Variants in GRIP1 observed in about 807,000 individuals in gnomAD.
The protein encoded by GRIP1 is glutamate receptor interacting protein 1.
GRIP1 carries 45 observed loss-of-function variants against 129.9 expected under a neutral mutation model. The observed-to-expected ratio is 0.35, with a 90% CI of 0.27 to 0.44. The LOEUF is 0.44. Ranked by LOEUF, GRIP1 falls within the 20% of genes least tolerant of loss-of-function variation. GRIP1 has a pLI of 1.00. For missense variants in GRIP1, 1,196 were observed against 1,396.8 expected (o/e 0.86, Z 2.29); for synonymous variants, 530 against 520.8 (o/e 1.02, Z -0.24).
At chr12:66,793,931 T>C (rs984986296) in intron 1 of GRIP1, among the ~76,000 whole-genome samples, 1 of 152,180 alleles carries the variant, frequency 6.6e-6, no homozygotes, top group African/African-American at 2.4e-5. Context: ...AATGAGCTAA[T>C]GCACATAAAT....
At chr12:66,497,141 C>T (rs2060259531) in intron 7 of GRIP1, among the ~76,000 whole-genome samples, 1 of 152,138 alleles carries the variant, frequency 6.6e-6, no homozygotes, top group African/African-American at 2.4e-5. Context: ...AAAATGCATA[C>T]ATAATGTCCC....
chr12:66,595,244 G>A (rs1029195562), intron 2 of GRIP1, among the ~76,000 whole-genome samples: 5 of 152,124 alleles, frequency 3.3e-5, no homozygotes, highest in Non-Finnish European at 5.9e-5. Flanking sequence ...CAAAATTCAT[G>A]ATGAAAAATA....
chr12:67,011,791 G>T (rs780730459), intron 1 of GRIP1, among the ~76,000 whole-genome samples: 4 of 152,064 alleles, frequency 2.6e-5, no homozygotes, highest in African/African-American at 7.2e-5. Flanking sequence ...TTATCCACCA[G>T]GCAAGGGGTC....
At chr12:66,853,266 A>G (rs2137085942) in intron 1 of GRIP1, among the ~76,000 whole-genome samples, 1 of 151,768 alleles carries the variant, frequency 6.6e-6, no homozygotes, top group South Asian at 2.1e-4. Context: ...ATACTCCCAA[A>G]TCTTTCTCAT....
chr12:66,627,499 G>GC (rs2030223469), intron 1 of GRIP1, among the ~76,000 whole-genome samples: 1 of 152,236 alleles, frequency 6.6e-6, no homozygotes, highest in Non-Finnish European at 1.5e-5. Context: ...TCACAGTGTA[G>GC]TTGGGGAGGG....
chr12:66,624,010 A>C (rs1465461767), intron 1 of GRIP1, among the ~76,000 whole-genome samples: 1 of 152,146 alleles, frequency 6.6e-6, no homozygotes, highest in African/African-American at 2.4e-5. Flanking sequence ...CTTTATAATT[A>C]ATTCATTCAT....
At chr12:66,813,453 G>A (rs1406856584) in intron 1 of GRIP1, among the ~76,000 whole-genome samples, 1 of 152,106 alleles carries the variant, frequency 6.6e-6, no homozygotes, top group Non-Finnish European at 1.5e-5. Flanking sequence ...CATATCAGAG[G>A]AAACAGATAA....
chr12:66,518,012 T>C, intron 5 of GRIP1, 36 bp from the exon 6 acceptor site: 3 of 1,127,390 alleles, frequency 2.7e-6, no homozygotes, highest in Admixed American at 3.4e-5. Context: ...AAAACTGCTT[T>C]CATTGTTGGC....
intron 1 of GRIP1, among the ~76,000 whole-genome samples, chr12:66,631,870 A>G (rs1415005981): frequency 2.6e-5 from 4 of 152,242 alleles, no homozygotes; most frequent in African/African-American, 4.8e-5. Flanking sequence ...GACTGGCTGC[A>G]TATTTTATAT....
At position 66,523,378 on chromosome 12, in the gene GRIP1, C is replaced by T. The variant is rs1231226854; in HGVS notation, c.503-5402G>A. On this transcript the variant is annotated intron_variant, in intron 5 of 24. Coordinates refer to ENST00000359742, the MANE Select transcript of GRIP1 (RefSeq NM_001366722.1). The stretch of plus-strand genomic sequence containing the variant: ...GAAGAGAGTGGGGGCCAATATTCAA[C>T]ATTCTTAAAGAAAATAATTTTCAAC... Among the ~76,000 whole-genome samples, 5 of 141,080 alleles carry T rather than the reference C, an allele frequency of 3.5e-5. No individual in the cohort carries two copies. The East Asian group carries it at 1.0e-3, about 29-fold the overall frequency. The allele number at this position is 141,080 out of a possible 152,430, so 92.6% of individuals were successfully genotyped here.
chr12:66,999,731 A>C (rs980832486), intron 1 of GRIP1, among the ~76,000 whole-genome samples: 1 of 152,230 alleles, frequency 6.6e-6, no homozygotes, highest in Non-Finnish European at 1.5e-5. Context: ...GAGGATTCAG[A>C]GTAAAGACAC....
At chr12:66,642,232 C>T (rs1247992534) in intron 1 of GRIP1, among the ~76,000 whole-genome samples, 1 of 151,934 alleles carries the variant, frequency 6.6e-6, no homozygotes, top group Non-Finnish European at 1.5e-5. Flanking sequence ...TAAATCAAGG[C>T]TGGAAAGAAA....
intron 1 of GRIP1, among the ~76,000 whole-genome samples, chr12:66,835,507 C>T (rs2039597445): frequency 6.6e-6 from 1 of 152,098 alleles, no homozygotes; most frequent in African/African-American, 2.4e-5. Flanking sequence ...AACCAAGATG[C>T]CCCTCAGAAG....
intron 1 of GRIP1, among the ~76,000 whole-genome samples, chr12:66,643,794 G>A (rs1048611712): frequency 6.6e-6 from 1 of 152,044 alleles, no homozygotes; most frequent in African/African-American, 2.4e-5. Context: ...GAACTCCTGG[G>A]CTCAAGCAGT....
At chr12:66,390,621 C>T (rs1250066813) in intron 19 of GRIP1, among the ~76,000 whole-genome samples, 1 of 152,184 alleles carries the variant, frequency 6.6e-6, no homozygotes, top group East Asian at 1.9e-4. Context: ...TCTTACAGAT[C>T]ACCTTACAGG....
intron 1 of GRIP1, among the ~76,000 whole-genome samples, chr12:66,716,112 A>AC (rs1433969958): frequency 6.6e-6 from 1 of 151,854 alleles, no homozygotes; most frequent in Non-Finnish European, 1.5e-5. Context: ...AAATTATAAT[A>AC]CCCCCTCCTA....
At chr12:66,556,559 TAAG>T (rs1403067068) in intron 2 of GRIP1, among the ~76,000 whole-genome samples, 1 of 151,762 alleles carries the variant, frequency 6.6e-6, no homozygotes, top group Non-Finnish European at 1.5e-5. Context: ...TATGCAAACT[TAAG>T]AAGAAAGACT....
chr12:66,490,013 A>G (rs77241206), intron 7 of GRIP1, among the ~76,000 whole-genome samples: 3 of 152,224 alleles, frequency 2.0e-5, no homozygotes, highest in African/African-American at 7.2e-5. Flanking sequence ...TTCCATGTCC[A>G]TGGATAGGAA....
chr12:66,352,053 T>C (rs2054252593), intron 24 of GRIP1, among the ~76,000 whole-genome samples: 1 of 152,208 alleles, frequency 6.6e-6, no homozygotes. Flanking sequence ...TCAGAGCCAA[T>C]GCGCTTCTAT....
Sources: gnomAD v4.1 joint callset for allele counts (sites outside exome capture counted in the v4.1 genomes callset) on GRCh38, gnomAD v4.1.1 for gene constraint, MANE v1.5 for transcripts, NCBI Gene and HGNC (gene_info 2026-07-23, HGNC 2026-07-21) for gene names.